CSTPP1: variants seen among roughly 807,000 people sequenced by gnomAD.
The protein encoded by CSTPP1 is centriolar satellite-associated tubulin polyglutamylase complex regulator 1.
the CSTPP1 span, among the ~76,000 whole-genome samples, chr11:47,015,933 C>T: frequency 2.6e-5 from 4 of 152,032 alleles, no homozygotes; most frequent in East Asian, 3.9e-4. Flanking sequence ...TTTATAAAAT[C>T]GAGCATTCAT....
At chr11:47,098,115 C>G in the CSTPP1 span, among the ~76,000 whole-genome samples, 1 of 106,840 alleles carries the variant, frequency 9.4e-6, no homozygotes. Context: ...GCAGCATGCT[C>G]GTTAAGAGTC....
chr11:47,156,990 TCCACAC>T, the CSTPP1 span: 1 of 1,611,606 alleles, frequency 6.2e-7, no homozygotes, highest in Non-Finnish European at 8.5e-7. Context: ...GCCTGAGCCG[TCCACAC>T]CCACACCCCC....
the CSTPP1 span, among the ~76,000 whole-genome samples, chr11:47,039,149 G>A: frequency 2.3e-5 from 3 of 127,750 alleles, 1 homozygote; most frequent in Non-Finnish European, 3.7e-5. Flanking sequence ...GGCCAAGGCA[G>A]GCTGCTGGGA....
the CSTPP1 span, among the ~76,000 whole-genome samples, chr11:47,039,064 A>C: frequency 1.0e-4 from 12 of 117,768 alleles, 2 homozygotes; most frequent in Non-Finnish European, 2.2e-4. Flanking sequence ...CAGACTGGGC[A>C]GCCAGGCAGA....
At chr11:47,001,686 G>A in the CSTPP1 span, among the ~76,000 whole-genome samples, 9 of 151,362 alleles carry the variant, frequency 5.9e-5, no homozygotes, top group African/African-American at 2.2e-4. Flanking sequence ...TTTTCAGACA[G>A]GTGCTTTAAG....
chr11:46,990,498 G>A, the CSTPP1 span, among the ~76,000 whole-genome samples: 21 of 151,910 alleles, frequency 1.4e-4, no homozygotes, highest in African/African-American at 3.4e-4. Flanking sequence ...GGGTTATTTC[G>A]TTTTTGCTTC....
the CSTPP1 span, among the ~76,000 whole-genome samples, chr11:47,070,628 G>T: frequency 6.6e-6 from 1 of 152,122 alleles, no homozygotes; most frequent in Non-Finnish European, 1.5e-5. Context: ...CTGTTGCCTA[G>T]GTCCCTCCCC....
At chr11:47,046,660 C>CT in the CSTPP1 span, among the ~76,000 whole-genome samples, 38,354 of 79,956 alleles carry the variant, frequency 0.48, 10,111 homozygotes, top group South Asian at 0.51. Context: ...ATCTTCTTTT[C>CT]TTTTTTTTTT....
the CSTPP1 span, among the ~76,000 whole-genome samples, chr11:47,154,761 G>A: frequency 6.6e-6 from 1 of 152,132 alleles, no homozygotes; most frequent in East Asian, 1.9e-4. Flanking sequence ...CTGATCAGCT[G>A]TATTTATTCT....
chr11:47,059,452 G>A, the CSTPP1 span, among the ~76,000 whole-genome samples: 1 of 152,092 alleles, frequency 6.6e-6, no homozygotes, highest in African/African-American at 2.4e-5. Flanking sequence ...AATAGCACAA[G>A]GGAGAAAATA....
chr11:47,129,236 A>G, the CSTPP1 span, among the ~76,000 whole-genome samples: 1 of 152,172 alleles, frequency 6.6e-6, no homozygotes, highest in Non-Finnish European at 1.5e-5. Context: ...CACCTGGTGG[A>G]GCTGCATGAG....
At chr11:47,020,118 C>T in the CSTPP1 span, among the ~76,000 whole-genome samples, 1 of 152,208 alleles carries the variant, frequency 6.6e-6, no homozygotes, top group African/African-American at 2.4e-5. Context: ...ATTTGGACTT[C>T]TGAAAGTATG....
chr11:47,046,660 CTTTTTTT>C, the CSTPP1 span, among the ~76,000 whole-genome samples: 2 of 79,734 alleles, frequency 2.5e-5, no homozygotes, highest in African/African-American at 1.0e-4. Context: ...ATCTTCTTTT[CTTTTTTT>C]TTTTTTTTTT....
At chr11:47,104,431 T>C in the CSTPP1 span, among the ~76,000 whole-genome samples, 1 of 152,216 alleles carries the variant, frequency 6.6e-6, no homozygotes, top group African/African-American at 2.4e-5. Context: ...GCAGCTGGGC[T>C]TCTCTCTCCC....
chr11:47,095,541 T>C, the CSTPP1 span, among the ~76,000 whole-genome samples: 2 of 152,154 alleles, frequency 1.3e-5, no homozygotes, highest in African/African-American at 2.4e-5. Flanking sequence ...TAGCTTCCAA[T>C]TGAAGGAAAA....
the CSTPP1 span, among the ~76,000 whole-genome samples, chr11:47,008,576 A>T: frequency 3.3e-5 from 5 of 150,846 alleles, no homozygotes; most frequent in African/African-American, 1.2e-4. Flanking sequence ...CCAGTCCTCA[A>T]GTCATCCTCC....
chr11:47,142,964 C>T, the CSTPP1 span, among the ~76,000 whole-genome samples: 1 of 152,240 alleles, frequency 6.6e-6, no homozygotes, highest in South Asian at 2.1e-4. Flanking sequence ...CGTAGCCAGT[C>T]CATATCAATA....
chr11:47,003,418 C>T, the CSTPP1 span, among the ~76,000 whole-genome samples: 1 of 152,126 alleles, frequency 6.6e-6, no homozygotes, highest in South Asian at 2.1e-4. Context: ...GGTTCTTCTT[C>T]CCTGAGAAAA....
the CSTPP1 span, among the ~76,000 whole-genome samples, chr11:47,059,662 A>G: frequency 6.6e-6 from 1 of 152,216 alleles, no homozygotes; most frequent in African/African-American, 2.4e-5. Flanking sequence ...TTTAACACAT[A>G]ATAAGGAAAC....
Sources: gnomAD v4.1 joint callset for allele counts (sites outside exome capture counted in the v4.1 genomes callset) on GRCh38, gnomAD v4.1.1 for gene constraint, MANE v1.5 for transcripts, NCBI Gene and HGNC (gene_info 2026-07-23, HGNC 2026-07-21) for gene names.